Variants in CHRNA7 observed in about 807,000 individuals in gnomAD.
CHRNA7 encodes the protein cholinergic receptor nicotinic alpha 7 subunit.
A neutral mutation model predicts 48.0 loss-of-function variants in CHRNA7; 17 were observed. The observed-to-expected ratio is 0.35, with a 90% CI of 0.24 to 0.53. CHRNA7 has a LOEUF of 0.53. Ranked by LOEUF, CHRNA7 falls within the 20% of genes least tolerant of loss-of-function variation. CHRNA7 has a pLI of 0.92. For synonymous variants in CHRNA7, 75 were observed against 242.3 expected (o/e 0.31, Z 6.41); for missense variants, 155 against 577.7 (o/e 0.27, Z 7.50).
intron 2 of CHRNA7, among the ~76,000 whole-genome samples, chr15:32,095,824 C>T (rs961513864): frequency 2.0e-5 from 3 of 152,202 alleles, no homozygotes; most frequent in African/African-American, 4.8e-5. Context: ...TTTCCGTGAT[C>T]GTAATCACAG....
At chr15:32,094,342 C>G (rs958296988) in intron 2 of CHRNA7, among the ~76,000 whole-genome samples, 2 of 152,184 alleles carry the variant, frequency 1.3e-5, no homozygotes, top group African/African-American at 4.8e-5. Flanking sequence ...CACTTAATTC[C>G]TAAGCCTTAA....
At chr15:32,087,442 T>C (rs2050315588) in intron 2 of CHRNA7, among the ~76,000 whole-genome samples, 1 of 152,166 alleles carries the variant, frequency 6.6e-6, no homozygotes, top group Non-Finnish European at 1.5e-5. Flanking sequence ...TTCCTTGTAT[T>C]GGTGAATGAT....
At chr15:32,112,583 A>G (rs1364271119) in intron 4 of CHRNA7, among the ~76,000 whole-genome samples, 1 of 152,238 alleles carries the variant, frequency 6.6e-6, no homozygotes, top group Admixed American at 6.5e-5. Context: ...TAGTCAAATA[A>G]GGGATCCCAG....
chr15:32,032,220 G>C (rs1042129983), intron 2 of CHRNA7, among the ~76,000 whole-genome samples: 2 of 152,210 alleles, frequency 1.3e-5, no homozygotes, highest in African/African-American at 4.8e-5. Context: ...ATGTATATGT[G>C]ATGATGTGGA....
intron 4 of CHRNA7, among the ~76,000 whole-genome samples, chr15:32,114,441 G>A (rs138660156): frequency 3.3e-5 from 5 of 151,986 alleles, no homozygotes; most frequent in African/African-American, 1.2e-4. Flanking sequence ...GAACCCCATC[G>A]CTCACACATC....
intron 2 of CHRNA7, among the ~76,000 whole-genome samples, chr15:32,096,913 C>A (rs1451773700): frequency 6.6e-6 from 1 of 152,192 alleles, no homozygotes; most frequent in Non-Finnish European, 1.5e-5. Flanking sequence ...CTTGCCACAC[C>A]GGCCTTCTGG....
At chr15:32,040,040 G>C (rs551865433) in intron 2 of CHRNA7, among the ~76,000 whole-genome samples, 5 of 151,926 alleles carry the variant, frequency 3.3e-5, no homozygotes, top group Admixed American at 2.0e-4. Flanking sequence ...TTTGAAGTAC[G>C]CTCTATCTGA....
At chr15:32,091,286 T>G (rs887538435) in intron 2 of CHRNA7, among the ~76,000 whole-genome samples, 1 of 152,234 alleles carries the variant, frequency 6.6e-6, no homozygotes, top group Non-Finnish European at 1.5e-5. Flanking sequence ...TTATGTATTT[T>G]GTATTTTTGA....
chr15:32,147,970 A>T (rs1374390063), intron 4 of CHRNA7, among the ~76,000 whole-genome samples: 1 of 152,150 alleles, frequency 6.6e-6, no homozygotes, highest in African/African-American at 2.4e-5. Flanking sequence ...CAGAGATTTA[A>T]AGTAAATGAC....
chr15:32,134,164 T>G (rs34701272), intron 4 of CHRNA7, among the ~76,000 whole-genome samples: 44 of 147,686 alleles, frequency 3.0e-4, no homozygotes, highest in African/African-American at 8.3e-4. Flanking sequence ...TTTTGTGTGT[T>G]TTTTTTTTTT....
chr15:32,038,008 A>G (rs1902174644), intron 2 of CHRNA7, among the ~76,000 whole-genome samples: 1 of 149,258 alleles, frequency 6.7e-6, no homozygotes, highest in African/African-American at 2.5e-5. Flanking sequence ...GGAAAGCTTC[A>G]GTTTTCTTAT....
At chr15:32,054,637 A>T (rs1397929839) in intron 2 of CHRNA7, among the ~76,000 whole-genome samples, 1 of 151,974 alleles carries the variant, frequency 6.6e-6, no homozygotes, top group Non-Finnish European at 1.5e-5. Flanking sequence ...CTTCTCTGGA[A>T]CTCTGTATAA....
intron 2 of CHRNA7, among the ~76,000 whole-genome samples, chr15:32,033,716 G>T (rs1901953440): frequency 6.6e-6 from 1 of 152,158 alleles, no homozygotes; most frequent in Non-Finnish European, 1.5e-5. Flanking sequence ...GAGACACAAT[G>T]GTTCTCATAA....
chr15:32,118,614 A>G (rs2050913333), intron 4 of CHRNA7, among the ~76,000 whole-genome samples: 1 of 152,192 alleles, frequency 6.6e-6, no homozygotes, highest in African/African-American at 2.4e-5. Flanking sequence ...AGGTCTCATC[A>G]TGGTCGCTCT....
intron 4 of CHRNA7, among the ~76,000 whole-genome samples, chr15:32,142,734 A>G (rs2051407240): frequency 6.6e-6 from 1 of 152,028 alleles, no homozygotes; most frequent in African/African-American, 2.4e-5. Flanking sequence ...CTCTGACAGT[A>G]TTTTGTATTT....
At chr15:32,137,053 A>AAAAAAAAG (rs2051281190) in intron 4 of CHRNA7, among the ~76,000 whole-genome samples, 1 of 150,018 alleles carries the variant, frequency 6.7e-6, no homozygotes, top group African/African-American at 2.4e-5. Flanking sequence ...AAAAGAAAAA[A>AAAAAAAAG]AAAAGAAAAC....
At chr15:32,049,244 G>T (rs1364558021) in intron 2 of CHRNA7, among the ~76,000 whole-genome samples, 1 of 151,734 alleles carries the variant, frequency 6.6e-6, no homozygotes, top group Non-Finnish European at 1.5e-5. Context: ...TTGACAGTGG[G>T]GTGTTAAAGT....
At chr15:32,109,711 G>A (rs767806828) in intron 3 of CHRNA7, among the ~76,000 whole-genome samples, 23 of 152,238 alleles carry the variant, frequency 1.5e-4, no homozygotes, top group Non-Finnish European at 2.4e-4. Context: ...GAACCCTGGC[G>A]TCCTCTTGTA....
intron 4 of CHRNA7, among the ~76,000 whole-genome samples, chr15:32,137,063 C>G (rs962814833): frequency 7.6e-6 from 1 of 130,908 alleles, no homozygotes; most frequent in African/African-American, 3.0e-5. Flanking sequence ...AAAAAGAAAA[C>G]AGGAGAAACC....
Sources: gnomAD v4.1 joint callset for allele counts (sites outside exome capture counted in the v4.1 genomes callset) on GRCh38, gnomAD v4.1.1 for gene constraint, MANE v1.5 for transcripts, NCBI Gene and HGNC (gene_info 2026-07-23, HGNC 2026-07-21) for gene names.